Variants in COP1 observed in about 807,000 individuals in gnomAD.
COP1 encodes E3 ubiquitin-protein ligase COP1.
In COP1, 24 loss-of-function variants were observed where a neutral mutation model predicts 101.3. That is an observed-to-expected ratio of 0.24 (90% confidence interval 0.17 to 0.33). The LOEUF (loss-of-function observed/expected upper bound fraction) is 0.33. Ranked by LOEUF, COP1 falls within the 10% of genes least tolerant of loss-of-function variation. The probability of loss-of-function intolerance (pLI) is 1.00; values close to 1 mark genes in which losing one functional copy is unlikely to be tolerated. For missense variants in COP1, 663 were observed against 906.2 expected (o/e 0.73, Z 3.45); for synonymous variants, 347 against 341.9 (o/e 1.01, Z -0.17).
chr1:175,975,663 C>T (rs1307259220), intron 18 of COP1, among the ~76,000 whole-genome samples: 1 of 152,116 alleles, frequency 6.6e-6, no homozygotes, highest in Admixed American at 6.5e-5. Context: ...CCCACCTCGA[C>T]CTCCCAAAGT....
chr1:176,005,078 TGGGA>T (rs1378024141), intron 15 of COP1, among the ~76,000 whole-genome samples: 8 of 152,204 alleles, frequency 5.3e-5, no homozygotes, highest in Admixed American at 4.6e-4. Context: ...GGTTTAGTCT[TGGGA>T]GGGTGTATGT....
intron 11 of COP1, among the ~76,000 whole-genome samples, chr1:176,073,087 A>G (rs867781581): frequency 1.3e-5 from 2 of 152,272 alleles, no homozygotes; most frequent in Middle Eastern, 6.8e-3. Context: ...TTTATCTTGG[A>G]CAAGTTACAA....
chr1:176,127,561 C>CTGTGTGTGTGTGTGTGTGTG (rs71129555), intron 8 of COP1, among the ~76,000 whole-genome samples: 6 of 148,260 alleles, frequency 4.0e-5, no homozygotes, highest in African/African-American at 1.5e-4. Context: ...TAGTATTCTA[C>CTGTGTGTGTGTGTGTGTGTG]TGTGTGTGTG....
At chr1:176,077,546 T>C (rs372659400) in intron 11 of COP1, among the ~76,000 whole-genome samples, 1 of 152,134 alleles carries the variant, frequency 6.6e-6, no homozygotes, top group Non-Finnish European at 1.5e-5. Context: ...GCCAACTTAA[T>C]AGTGAATGGG....
intron 5 of COP1, 60 bp downstream of exon 5, chr1:176,162,809 C>T: frequency 6.8e-7 from 1 of 1,460,964 alleles, no homozygotes; most frequent in Admixed American, 2.1e-5. Flanking sequence ...CTTTCTACGT[C>T]TTTTTTATTG....
rs144801445 is a variant in COP1, at chr1:176,075,336, A to C, written c.1277+5816T>G. Among the ~76,000 whole-genome samples, 400 of 152,346 alleles carry C rather than the reference A, an allele frequency of 2.6e-3. 3 individuals are homozygous for C. The highest frequency in any genetic ancestry group is 9.2e-3 in the African/African-American group (382 of 41,588). The stretch of plus-strand genomic sequence containing the variant: ...AATAGTTTCTTTAGCTAATGGCTTA[A>C]ATTTTAAGATCTTCATATACATAAT... On this transcript the variant is annotated intron_variant, in intron 11 of 19. Transcript: ENST00000367669.
intron 18 of COP1, among the ~76,000 whole-genome samples, chr1:175,958,488 A>G (rs1267287398): frequency 2.6e-5 from 4 of 152,030 alleles, no homozygotes; most frequent in Non-Finnish European, 1.5e-5. Context: ...TCCCTGTTCA[A>G]TATAGATGGT....
At chr1:176,001,578 A>AC (rs1462154138) in intron 15 of COP1, among the ~76,000 whole-genome samples, 1 of 152,156 alleles carries the variant, frequency 6.6e-6, no homozygotes, top group Non-Finnish European at 1.5e-5. Flanking sequence ...CGCAAGTGCC[A>AC]CCAGCAAGTA....
At chr1:176,130,512 G>A (rs569235456) in intron 8 of COP1, among the ~76,000 whole-genome samples, 11 of 151,838 alleles carry the variant, frequency 7.2e-5, no homozygotes, top group African/African-American at 2.6e-4. Flanking sequence ...TAATTCTACG[G>A]AAAGTCTGAA....
At chr1:176,119,761 G>C (rs1211751654) in intron 8 of COP1, among the ~76,000 whole-genome samples, 1 of 152,078 alleles carries the variant, frequency 6.6e-6, no homozygotes, top group Non-Finnish European at 1.5e-5. Context: ...ACAGTCACTA[G>C]ATGGCAGTAA....
chr1:176,110,427 T>G (rs981487126), intron 9 of COP1, among the ~76,000 whole-genome samples: 2 of 152,198 alleles, frequency 1.3e-5, no homozygotes, highest in Non-Finnish European at 2.9e-5. Flanking sequence ...CCTCAGGGAT[T>G]ATTTACTTCT....
chr1:176,026,021 C>T (rs1371433123), intron 15 of COP1, among the ~76,000 whole-genome samples: 2 of 152,016 alleles, frequency 1.3e-5, no homozygotes, highest in African/African-American at 4.8e-5. Context: ...ATAAGAATCC[C>T]AAAAGAATTT....
chr1:175,992,058 G>A (rs980357710), intron 15 of COP1, among the ~76,000 whole-genome samples: 2 of 152,150 alleles, frequency 1.3e-5, no homozygotes, highest in African/African-American at 4.8e-5. Context: ...GTAATCGTAT[G>A]TGCTAGACTT....
chr1:175,972,188 C>A (rs1227376204), intron 18 of COP1, among the ~76,000 whole-genome samples: 2 of 152,130 alleles, frequency 1.3e-5, no homozygotes, highest in East Asian at 3.9e-4. Context: ...CTAAATATAA[C>A]AAGTATAGGG....
intron 11 of COP1, among the ~76,000 whole-genome samples, chr1:176,077,010 G>C (rs1678162519): frequency 6.6e-6 from 1 of 151,958 alleles, no homozygotes; most frequent in African/African-American, 2.4e-5. Context: ...CAACCAAAAA[G>C]AGCCCTGGAC....
intron 6 of COP1, among the ~76,000 whole-genome samples, chr1:176,147,790 C>T (rs987989492): frequency 1.3e-5 from 2 of 152,274 alleles, no homozygotes; most frequent in East Asian, 1.9e-4. Context: ...GAAGATCACA[C>T]GGAAGAATTA....
At chr1:176,133,251 CAT>C (rs1030106678) in intron 8 of COP1, among the ~76,000 whole-genome samples, 18 of 150,920 alleles carry the variant, frequency 1.2e-4, no homozygotes, top group African/African-American at 3.9e-4. Context: ...TAGGTACACA[CAT>C]ACGTATATAC....
At position 176,042,478 on chromosome 1, in the gene COP1, G is replaced by A. The variant is rs1254249432; in HGVS notation, c.1612+708C>T. Among the ~76,000 whole-genome samples the A allele has an allele frequency of 3.6e-5, 5 of 138,016 alleles. No individual in the cohort carries two copies. In the East Asian group the frequency reaches 6.6e-4, roughly 18 times the overall value. 90.5% of individuals were successfully genotyped at this position (138,016 alleles called of 152,430 possible). A position where few individuals can be genotyped will look rare whatever the true frequency, so the allele number is the denominator to read the frequency against. Reference sequence around the variant, plus strand: ...CTCGGGAGGGTGAGGCAGGAGAATCGCTTGAACCTGGGAGGCGGAGGTTGC... The same window carrying A: ...CTCGGGAGGGTGAGGCAGGAGAATCACTTGAACCTGGGAGGCGGAGGTTGC... On this transcript the variant is annotated intron_variant, in intron 14 of 19. Coordinates refer to ENST00000367669, the MANE Select transcript of COP1 (RefSeq NM_022457.7).
At chr1:176,005,188 C>T (rs1008321743) in intron 15 of COP1, among the ~76,000 whole-genome samples, 21 of 152,156 alleles carry the variant, frequency 1.4e-4, no homozygotes, top group East Asian at 5.8e-4. Flanking sequence ...TCTGTGGGAT[C>T]GGTGGTGATA....
Sources: allele counts gnomAD v4.1 joint callset (sites outside exome capture counted in the v4.1 genomes callset), GRCh38; gene constraint gnomAD v4.1.1; transcripts MANE v1.5; gene names NCBI Gene and HGNC (gene_info 2026-07-23, HGNC 2026-07-21).